Variants in ACTL6B observed in about 807,000 individuals in gnomAD.
The protein encoded by ACTL6B is actin-like protein 6B.
ACTL6B carries 48 observed loss-of-function variants against 63.3 expected under a neutral mutation model. The ratio of observed to expected loss-of-function variants is 0.76; its 90% CI spans 0.60 to 0.96. ACTL6B has a LOEUF of 0.96. ACTL6B is among the 50% of genes least tolerant of loss of function. The pLI is 0.00. For missense variants in ACTL6B, 350 were observed against 572.2 expected (o/e 0.61, Z 3.96); for synonymous variants, 230 against 223.8 (o/e 1.03, Z -0.25).
At chr7:100,650,297 C>T (rs13235130) in intron 4 of ACTL6B, among the ~76,000 whole-genome samples, 162 bp from the exon 5 acceptor site, 1 of 151,578 alleles carries the variant, frequency 6.6e-6, no homozygotes, top group African/African-American at 2.4e-5. Flanking sequence ...CATACACTCA[C>T]GGTCATACAC....
rs969841518 is a variant in ACTL6B at position 100,648,921 on chromosome 7, C to T, written c.468-98G>A. The T allele has an allele frequency of 1.7e-6, 2 of 1,200,448 alleles. No individual in the cohort carries two copies. The highest frequency in any genetic ancestry group is 2.3e-6 in the Non-Finnish European group (2 of 873,388). 74.4% of individuals were successfully genotyped at this position (1,200,448 alleles called of 1,614,324 possible). ...ACTCTCTGCTCTACCGGGGTCCAGC[C>T]CATCCCCAGTCTGCAAATCTCTCCC... On this transcript the variant is annotated intron_variant, in intron 5 of 13. Coordinates refer to ENST00000160382, the MANE Select transcript of ACTL6B (RefSeq NM_016188.5). This position sits in a 1 kb window ranked among gnomAD's most constrained non-coding sequence, Gnocchi z 4.4.
At position 100,656,382 on chromosome 7, in the gene ACTL6B, T is replaced by C; in HGVS notation, c.-28A>G. ...TGCCCGCTGCGCTGCTAGCGGCCCG[T>C]GGGCGGTGGCGGGATCAGCACCGAG... On this transcript the variant is annotated 5_prime_UTR_variant, in exon 1 of 14. Coordinates refer to ENST00000160382, the MANE Select transcript of ACTL6B (RefSeq NM_016188.5). 1 of 1,318,964 alleles carries C rather than the reference T, an allele frequency of 7.6e-7. No homozygotes were observed. The highest frequency in any genetic ancestry group is 9.7e-7 in the Non-Finnish European group (1 of 1,030,096). The allele number at this position is 1,318,964 out of a possible 1,614,324, so 81.7% of individuals were successfully genotyped here.
chr7:100,648,481 T>C lies in ACTL6B; in HGVS notation c.669+75A>G. 2.4e-6 allele frequency: 3 copies of C among 1,260,864 alleles called. No homozygotes were observed. The highest frequency in any genetic ancestry group is 2.7e-5 in the Admixed American group (1 of 36,840). The allele number at this position is 1,260,864 out of a possible 1,614,324, so 78.1% of individuals were successfully genotyped here. On this transcript the variant is annotated intron_variant, in intron 7 of 13. Transcript: ENST00000160382. The surrounding 1 kb of genome is among the most constrained non-coding windows in gnomAD (Gnocchi z 4.4). ...TGCTGCTCTCTGCTCTGATATCTCA[T>C]GTGTCAGAGGGTTGACGGCCATGGG...
chr7:100,652,015 C>G (rs927864982), intron 4 of ACTL6B, among the ~76,000 whole-genome samples: 7 of 152,188 alleles, frequency 4.6e-5, no homozygotes, highest in African/African-American at 1.4e-4. Flanking sequence ...AAGGAAGATG[C>G]CAGCATGACA....
intron 4 of ACTL6B, among the ~76,000 whole-genome samples, chr7:100,652,782 CACGAG>C (rs1174082057): frequency 6.6e-6 from 1 of 150,382 alleles, no homozygotes; most frequent in Non-Finnish European, 1.5e-5. Context: ...GTCGGTGGAT[CACGAG>C]GTCAAGAGAT....
Position 100,647,497 on chromosome 7 carries a change from T to C in ACTL6B, c.706A>G (p.Lys236Glu). The C allele has an allele frequency of 6.2e-7, 1 of 1,610,434 alleles. No homozygotes were observed. The highest frequency in any genetic ancestry group is 8.5e-7 in the Non-Finnish European group (1 of 1,178,174). Reference sequence around the variant, plus strand: ...GAGACCTGGGGTAGCTTCTCCTTCTTCTTCCAGTTTGGGGGGGCACCCTCC... The same window carrying C: ...GAGACCTGGGGTAGCTTCTCCTTCTCCTTCCAGTTTGGGGGGGCACCCTCC... ...VREGAPPNWK[K>E]KEKLPQVSKS... Residue 236 changes from lysine to glutamate, a missense_variant, in exon 8 of 14, where the codon AAG (lysine) becomes GAG (glutamate). Lys to Glu is a moderately conservative substitution (Grantham distance 56, BLOSUM62 1). Around this residue, in one of 3 missense-constraint regions of ACTL6B, gnomAD observed 250 missense variants for 364.7 expected, o/e 0.69. Coordinates refer to ENST00000160382, the MANE Select transcript of ACTL6B (RefSeq NM_016188.5). This position sits in a 1 kb window ranked among gnomAD's most constrained non-coding sequence, Gnocchi z 4.4.
At position 100,655,456 on chromosome 7, in the gene ACTL6B, C is replaced by G; in HGVS notation, c.233G>C (p.Gly78Ala). The G allele has an allele frequency of 6.2e-7, 1 of 1,614,168 alleles. No individual in the cohort carries two copies. Among genetic ancestry groups the G allele is most frequent in the East Asian group, 2.2e-5 (1 of 44,872 alleles). The stretch of plus-strand genomic sequence containing the variant: ...CTTGAGGGGCGACATGACCTCCGCT[C>G]CATCCCGAGGCACGTGCAGGGCATT... ...DTNALHVPRD[G>A]AEVMSPLKNG... Residue 78 changes from glycine to alanine, a missense_variant, in exon 3 of 14, where the codon GGA (glycine) becomes GCA (alanine). Around this residue, in one of 3 missense-constraint regions of ACTL6B, gnomAD observed 250 missense variants for 364.7 expected, o/e 0.69. Coordinates refer to ENST00000160382, the MANE Select transcript of ACTL6B (RefSeq NM_016188.5). This position sits in a 1 kb window ranked among gnomAD's most constrained non-coding sequence, Gnocchi z 4.4.
intron 1 of ACTL6B, 28 bp downstream of exon 1, chr7:100,656,302 G>A (rs970324502): frequency 2.1e-5 from 29 of 1,377,356 alleles, no homozygotes; most frequent in Non-Finnish European, 2.5e-5. Context: ...GCAGGGCTGC[G>A]GGAGCCGGGG....
At chr7:100,650,184 AC>A in intron 4 of ACTL6B, 49 bp from the exon 5 acceptor site, 1 of 1,545,104 alleles carries the variant, frequency 6.5e-7, no homozygotes, top group Non-Finnish European at 8.9e-7. Flanking sequence ...AGAGGCACAG[AC>A]CCACATCCAC....
rs1335556903 is a variant in ACTL6B, at chr7:100,647,545, C to T, written c.670-12G>A. The T allele has an allele frequency of 5.1e-6, 8 of 1,580,694 alleles. No individual in the cohort carries two copies. The highest frequency in any genetic ancestry group is 6.9e-6 in the Non-Finnish European group (8 of 1,162,882). ...TCCCGGACAGGCTCCTGTGGGGGCA[C>T]AGTGTAGGAACACCCTTTCCTAGCC... is the stretch of plus-strand genomic sequence containing the variant. On this transcript the variant is annotated splice_polypyrimidine_tract_variant and intron_variant, in intron 7 of 13. Transcript: ENST00000160382. The surrounding 1 kb of genome is among the most constrained non-coding windows in gnomAD (Gnocchi z 4.4).
intron 4 of ACTL6B, among the ~76,000 whole-genome samples, chr7:100,654,608 C>T (rs1045179948): frequency 1.7e-4 from 26 of 151,504 alleles, no homozygotes; most frequent in Non-Finnish European, 3.1e-4. Context: ...AGGCGAAACC[C>T]CCTGTCTACT....
At chr7:100,654,016 A>G (rs1803990865) in intron 4 of ACTL6B, among the ~76,000 whole-genome samples, 1 of 151,620 alleles carries the variant, frequency 6.6e-6, no homozygotes, top group Admixed American at 6.6e-5. Context: ...TCTGTTGCCC[A>G]GGCTGGAGTG....
In ACTL6B at chr7:100,647,629, C is replaced by G; in HGVS notation, c.670-96G>C. ...TTCCCAGCTCTGCAGCTACCTGGCGCTGCAGGCTCTGCTGTGCTGCCTGCA... is the reference window on the plus strand; with the variant it reads ...TTCCCAGCTCTGCAGCTACCTGGCGGTGCAGGCTCTGCTGTGCTGCCTGCA... On this transcript the variant is annotated intron_variant, in intron 7 of 13. Transcript: ENST00000160382. This position sits in a 1 kb window ranked among gnomAD's most constrained non-coding sequence, Gnocchi z 4.4. 1 of 908,100 alleles carries G rather than the reference C, an allele frequency of 1.1e-6. No individual in the cohort carries two copies. The highest frequency in any genetic ancestry group is 1.7e-6 in the Non-Finnish European group (1 of 588,778). The allele number at this position is 908,100 out of a possible 1,614,324, so 56.3% of individuals were successfully genotyped here.
At chr7:100,645,031 G>A (rs576658857) in intron 13 of ACTL6B, among the ~76,000 whole-genome samples, 3 of 152,264 alleles carry the variant, frequency 2.0e-5, no homozygotes, top group Admixed American at 1.3e-4. Context: ...ACTCCAGCCT[G>A]GGCGACAGTG....
rs748834517 is a variant in ACTL6B at position 100,647,205 on chromosome 7, G to A, written c.821+18C>T. 6.9e-7 allele frequency: 1 copy of A among 1,451,322 alleles called. No homozygotes were observed. Among genetic ancestry groups the A allele is most frequent in the East Asian group, 2.7e-5 (1 of 36,526 alleles). The allele number at this position is 1,451,322 out of a possible 1,614,324, so 89.9% of individuals were successfully genotyped here. A position where few individuals can be genotyped will look rare whatever the true frequency, so the allele number is the denominator to read the frequency against. On this transcript the variant is annotated intron_variant, in intron 9 of 13. Coordinates refer to ENST00000160382, the MANE Select transcript of ACTL6B (RefSeq NM_016188.5). This position sits in a 1 kb window ranked among gnomAD's most constrained non-coding sequence, Gnocchi z 4.4. ...GTTCTGCCCTCTCTCCCACCCCAAA[G>A]CCCTGAGCCACACTCACTGTTCATC...
chr7:100,652,999 CAAAAAAAAAAAAAAAAAAAAAAAAAA>C lies in ACTL6B; in HGVS notation c.369+1994_369+2019del, dbSNP rs58707737. On this transcript the variant is annotated intron_variant, in intron 4 of 13. Transcript: ENST00000160382. ...CTGGTGACAGAGCAAAACTCCGTCT[CAAAAAAAAAAAAAAAAAAAAAAAAAA>C]AAAAAAAAAAAAAAAAATTGAACAC... Among the ~76,000 whole-genome samples the C allele has an allele frequency of 8.9e-4, 23 of 25,948 alleles. 1 individual carries two copies. The highest frequency in any genetic ancestry group is 6.7e-3 in the South Asian group (3 of 450). The allele number at this position is 25,948 out of a possible 152,430, so 17.0% of individuals were successfully genotyped here. A position where few individuals can be genotyped will look rare whatever the true frequency, so the allele number is the denominator to read the frequency against.
At position 100,647,322 on chromosome 7, in the gene ACTL6B, C is replaced by T; in HGVS notation, c.760-38G>A. ...CGGAGGTGGTGAGGGCCTGCCTTCC[C>T]CGTGAGCAGCACCCCCTGCCCCGCT... On this transcript the variant is annotated intron_variant, in intron 8 of 13. Coordinates refer to ENST00000160382, the MANE Select transcript of ACTL6B (RefSeq NM_016188.5). This position sits in a 1 kb window ranked among gnomAD's most constrained non-coding sequence, Gnocchi z 4.4. 2 of 1,611,122 alleles carry T rather than the reference C, an allele frequency of 1.2e-6. No homozygotes were observed. Among genetic ancestry groups the T allele is most frequent in the Middle Eastern group, 3.4e-4 (2 of 5,866 alleles).
intron 1 of ACTL6B, among the ~76,000 whole-genome samples, chr7:100,656,120 C>T (rs1417148520): frequency 2.6e-5 from 4 of 152,178 alleles, no homozygotes; most frequent in African/African-American, 9.7e-5. Context: ...GGAAGGGGCC[C>T]GGGGCCAGGT....
Position 100,646,009 on chromosome 7 carries a change from C to A in ACTL6B, c.1200+240G>T, listed in dbSNP as rs890451974. On this transcript the variant is annotated intron_variant, in intron 13 of 13. Transcript: ENST00000160382. The surrounding 1 kb of genome is among the most constrained non-coding windows in gnomAD (Gnocchi z 6.1). ...GGGTTTTCAACTCCTAGCCTCAAGC[C>A]ATCCCCCCACTTCAGCCACCCAAAG... 9.2e-5 allele frequency among the ~76,000 whole-genome samples: 14 copies of A among 152,220 alleles called. No individual in the cohort carries two copies. The highest frequency in any genetic ancestry group is 3.1e-4 in the African/African-American group (13 of 41,466).
Sources: gnomAD v4.1 joint callset for allele counts (sites outside exome capture counted in the v4.1 genomes callset) on GRCh38, gnomAD v4.1.1 for gene constraint, gnomAD v4.1.1 regional missense constraint, Gnocchi (gnomAD v3.1) non-coding constraint, MANE v1.5 for transcripts, NCBI Gene and HGNC (gene_info 2026-07-23, HGNC 2026-07-21) for gene names.